ZHX3: variants seen among roughly 807,000 people sequenced by gnomAD.
The protein encoded by ZHX3 is zinc fingers and homeoboxes 3.
Under a neutral mutation model 64.5 loss-of-function variants are expected in ZHX3, and 20 were observed. The observed-to-expected ratio is 0.31, with a 90% CI of 0.22 to 0.45. The LOEUF (loss-of-function observed/expected upper bound fraction) is 0.45, where lower values mean the gene tolerates loss of function less well. Among genes scored for constraint, ZHX3 ranks in the 20% least tolerant of loss-of-function variants. ZHX3 has a pLI of 1.00. For synonymous variants in ZHX3, 423 were observed against 461.6 expected (o/e 0.92, Z 1.07); for missense variants, 1,041 against 1,195.8 (o/e 0.87, Z 1.91).
intron 2 of ZHX3, among the ~76,000 whole-genome samples, chr20:41,215,010 T>G (rs1365686396): frequency 6.6e-6 from 1 of 152,170 alleles, no homozygotes; most frequent in African/African-American, 2.4e-5. Context: ...ATCCCAGCAC[T>G]TGGAAGGCCG....
At chr20:41,289,457 C>T (rs554935813) in intron 1 of ZHX3, among the ~76,000 whole-genome samples, 1 of 152,030 alleles carries the variant, frequency 6.6e-6, no homozygotes, top group Non-Finnish European at 1.5e-5. Flanking sequence ...TAACGGTGCT[C>T]CTTGTTTTAC....
intron 1 of ZHX3, among the ~76,000 whole-genome samples, chr20:41,315,730 A>G (rs548124748): frequency 1.6e-4 from 25 of 152,310 alleles, no homozygotes; most frequent in African/African-American, 5.8e-4. Flanking sequence ...AGTCAAAGAA[A>G]AAAAGCATAG....
At chr20:41,282,433 A>G (rs1339507935) in intron 1 of ZHX3, among the ~76,000 whole-genome samples, 1 of 130,408 alleles carries the variant, frequency 7.7e-6, no homozygotes, top group Admixed American at 9.7e-5. Context: ...ATCTTGGCTC[A>G]CTGCAACATT....
chr20:41,240,449 A>C (rs989916262), intron 2 of ZHX3, among the ~76,000 whole-genome samples: 1 of 152,154 alleles, frequency 6.6e-6, no homozygotes, highest in African/African-American at 2.4e-5. Context: ...GGGTTACATG[A>C]GATATTTTGG....
Position 41,192,344 on chromosome 20 carries a change from T to C in ZHX3, c.2861-7143A>G, listed in dbSNP as rs559507802. Among the ~76,000 whole-genome samples the C allele has an allele frequency of 7.6e-4, 116 of 152,302 alleles. 2 individuals are homozygous for C. The highest frequency in any genetic ancestry group is 2.7e-3 in the African/African-American group (114 of 41,574). On this transcript the variant is annotated intron_variant, in intron 3 of 3. Transcript: ENST00000683867. The stretch of plus-strand genomic sequence containing the variant: ...AAAGCCAGGCTGGGCAGTCTCATCT[T>C]CAGGCTCCCTATGATGTGTGCAGGT...
chr20:41,253,244 GT>G (rs1273928063), intron 2 of ZHX3, among the ~76,000 whole-genome samples: 3 of 86,256 alleles, frequency 3.5e-5, no homozygotes, highest in African/African-American at 2.0e-4. Flanking sequence ...TGGGACTACA[GT>G]AAAAAAAAAA....
intron 2 of ZHX3, among the ~76,000 whole-genome samples, chr20:41,205,533 G>C (rs550383468): frequency 1.7e-5 from 2 of 121,036 alleles, no homozygotes; most frequent in Admixed American, 2.2e-4. Context: ...CAGGCCCAGG[G>C]ACCAAGTTAG....
intron 1 of ZHX3, chr20:41,316,939 G>A (rs989403635): frequency 5.9e-5 from 9 of 152,298 alleles, no homozygotes; most frequent in Non-Finnish European, 1.3e-4. Flanking sequence ...CCAAGATTCA[G>A]GGTGCTACTG....
intron 2 of ZHX3, among the ~76,000 whole-genome samples, chr20:41,208,414 C>T (rs188004144): frequency 1.1e-3 from 169 of 152,302 alleles, no homozygotes; most frequent in Admixed American, 2.5e-3. Context: ...ACCAATATCC[C>T]TGATGAACAT....
intron 2 of ZHX3, among the ~76,000 whole-genome samples, chr20:41,263,901 G>A (rs937328917): frequency 6.6e-6 from 1 of 151,938 alleles, no homozygotes; most frequent in African/African-American, 2.4e-5. Context: ...ACTAAAAGTT[G>A]CTGTGAATAG....
chr20:41,307,851 A>T (rs1359595224), intron 1 of ZHX3, among the ~76,000 whole-genome samples: 1 of 152,178 alleles, frequency 6.6e-6, no homozygotes, highest in Non-Finnish European at 1.5e-5. Context: ...CATTTTGATT[A>T]TATCTCCTTC....
intron 1 of ZHX3, among the ~76,000 whole-genome samples, chr20:41,273,464 TTA>T (rs2043242523): frequency 6.6e-6 from 1 of 152,170 alleles, no homozygotes; most frequent in Non-Finnish European, 1.5e-5. Context: ...AGATTTACCC[TTA>T]TGTTTTCTTC....
chr20:41,178,760 C>T lies in ZHX3; in HGVS notation c.*6431G>A, dbSNP rs1451238163. ...CCAGGGTAAAGAATTCCCATTCTAC[C>T]CAAGGCTTAAGTGATAGAGTATGCT... On this transcript the variant is annotated 3_prime_UTR_variant, in exon 4 of 4. Transcript: ENST00000683867. 2 of 152,544 alleles carry T rather than the reference C, an allele frequency of 1.3e-5. No individual in the cohort carries two copies. Among genetic ancestry groups the T allele is most frequent in the Non-Finnish European group, 2.9e-5 (2 of 68,016 alleles). 9.4% of individuals were successfully genotyped at this position (152,544 alleles called of 1,614,324 possible). A position where few individuals can be genotyped will look rare whatever the true frequency, so the allele number is the denominator to read the frequency against.
intron 3 of ZHX3, among the ~76,000 whole-genome samples, chr20:41,199,803 T>C (rs1600742427): frequency 6.6e-6 from 1 of 151,584 alleles, no homozygotes; most frequent in African/African-American, 2.4e-5. Context: ...CAGGTTCAAG[T>C]GATTCTCCTG....
chr20:41,237,992 A>T (rs2041126624), intron 2 of ZHX3, among the ~76,000 whole-genome samples: 1 of 152,164 alleles, frequency 6.6e-6, no homozygotes, highest in Admixed American at 6.5e-5. Context: ...AAGATCTTTG[A>T]GGTAAGGGTT....
chr20:41,213,570 A>G (rs2039314395), intron 2 of ZHX3, among the ~76,000 whole-genome samples: 1 of 152,194 alleles, frequency 6.6e-6, no homozygotes, highest in Non-Finnish European at 1.5e-5. Context: ...GAAAAAGAGC[A>G]TGAGCACACC....
chr20:41,227,719 TTATC>T (rs1159351455), intron 2 of ZHX3, among the ~76,000 whole-genome samples: 1 of 152,338 alleles, frequency 6.6e-6, no homozygotes, highest in East Asian at 1.9e-4. Context: ...AAAGTTCTAT[TTATC>T]TGTTTTTAAA....
intron 3 of ZHX3, among the ~76,000 whole-genome samples, chr20:41,190,818 C>G (rs931249945): frequency 6.6e-6 from 1 of 152,130 alleles, no homozygotes; most frequent in Non-Finnish European, 1.5e-5. Flanking sequence ...GACATAGTAT[C>G]CTTGGCTTAC....
chr20:41,263,044 T>C (rs1235864419), intron 2 of ZHX3, among the ~76,000 whole-genome samples: 4 of 152,094 alleles, frequency 2.6e-5, no homozygotes, highest in South Asian at 4.1e-4. Flanking sequence ...TGTTCTGTAA[T>C]ACAGAAGACA....
Sources: allele counts gnomAD v4.1 joint callset (sites outside exome capture counted in the v4.1 genomes callset), GRCh38; gene constraint gnomAD v4.1.1; transcripts MANE v1.5; gene names NCBI Gene and HGNC (gene_info 2026-07-23, HGNC 2026-07-21).